The following NUAK1 variants were observed in gnomAD, a reference collection of about 807,000 sequenced individuals.
NUAK1 encodes NUAK family kinase 1.
A neutral mutation model predicts 56.9 loss-of-function variants in NUAK1; 26 were observed. That is an observed-to-expected ratio of 0.46 (90% CI 0.33 to 0.63). The LOEUF (loss-of-function observed/expected upper bound fraction) is 0.63. Ranked by LOEUF, NUAK1 falls within the 30% of genes least tolerant of loss-of-function variation. The pLI is 0.02. For synonymous variants in NUAK1, 337 were observed against 336.0 expected, an observed-to-expected ratio of 1.00 and a Z score of -0.03; for missense variants, 727 against 876.1, an observed-to-expected ratio of 0.83 and a Z score of 2.15.
intron 4 of NUAK1, among the ~76,000 whole-genome samples, chr12:106,075,494 T>C (rs143414323): frequency 1.3e-5 from 2 of 152,032 alleles, no homozygotes; most frequent in Non-Finnish European, 2.9e-5. Context: ...TTAGGAAGAG[T>C]GTCTATCCCT....
At position 106,066,731 on chromosome 12, in the gene NUAK1, C is replaced by T; in HGVS notation, c.*71G>A. Reference sequence around the variant, plus strand: ...TTGTCACAGCCAGCAAAGAGGTAACCAGCCTGTGAGCCCAAGTCTTGCTCC... The same window carrying T: ...TTGTCACAGCCAGCAAAGAGGTAACTAGCCTGTGAGCCCAAGTCTTGCTCC... On this transcript the variant is annotated 3_prime_UTR_variant, in exon 7 of 7. Coordinates refer to ENST00000261402, the MANE Select transcript of NUAK1 (RefSeq NM_014840.3). The T allele has an allele frequency of 1.6e-6, 2 of 1,262,536 alleles. No homozygotes were observed. The highest frequency in any genetic ancestry group is 1.4e-5 in the South Asian group (1 of 73,196). 78.2% of individuals were successfully genotyped at this position (1,262,536 alleles called of 1,614,324 possible). A position where few individuals can be genotyped will look rare whatever the true frequency, so the allele number is the denominator to read the frequency against.
intron 5 of NUAK1, 107 bp from the exon 6 acceptor site, chr12:106,071,013 G>A (rs1289220620): frequency 8.3e-7 from 1 of 1,197,700 alleles, no homozygotes; most frequent in Non-Finnish European, 1.2e-6. Flanking sequence ...AGCAGCCCCA[G>A]GAACTGAATT....
chr12:106,131,186 A>T (rs1280364772), intron 1 of NUAK1, among the ~76,000 whole-genome samples: 15 of 152,000 alleles, frequency 9.9e-5, no homozygotes, highest in Non-Finnish European at 2.2e-4. Flanking sequence ...AGTTATTACC[A>T]GCTTTATTGA....
At chr12:106,080,221 C>T (rs1186860760) in intron 4 of NUAK1, among the ~76,000 whole-genome samples, 2 of 152,216 alleles carry the variant, frequency 1.3e-5, no homozygotes, top group African/African-American at 4.8e-5. Flanking sequence ...ACAGCAGCCG[C>T]GCTTCCATTG....
At chr12:106,117,628 T>C (rs978989724) in intron 1 of NUAK1, among the ~76,000 whole-genome samples, 7 of 152,222 alleles carry the variant, frequency 4.6e-5, no homozygotes, top group African/African-American at 1.7e-4. Flanking sequence ...AAAAATACAA[T>C]ATCAAATTAT....
chr12:106,069,978 C>T (rs769868260), intron 6 of NUAK1, among the ~76,000 whole-genome samples: 1 of 152,116 alleles, frequency 6.6e-6, no homozygotes, highest in Non-Finnish European at 1.5e-5. Flanking sequence ...GCAGATGTGA[C>T]ACAATCTGGG....
rs967190841 is a variant in NUAK1 at position 106,088,810 on chromosome 12, C to T, written c.362-1925G>A. ...CACATTCAATGAAGAACTGAGTTGA[C>T]CTGGAACCTACCCTAGGCCTGGGTC... On this transcript the variant is annotated intron_variant, in intron 2 of 6. Transcript: ENST00000261402. 5.9e-5 allele frequency among the ~76,000 whole-genome samples: 9 copies of T among 152,286 alleles called. No individual in the cohort carries two copies. The East Asian group carries it at 1.7e-3, about 29-fold the overall frequency.
At chr12:106,124,642 ACGT>A (rs1340919049) in intron 1 of NUAK1, among the ~76,000 whole-genome samples, 1 of 152,188 alleles carries the variant, frequency 6.6e-6, no homozygotes, top group African/African-American at 2.4e-5. Context: ...GGGAGCAGAA[ACGT>A]CATCTGTCTC....
chr12:106,129,585 G>A (rs1332973700), intron 1 of NUAK1, among the ~76,000 whole-genome samples: 1 of 152,228 alleles, frequency 6.6e-6, no homozygotes, highest in Non-Finnish European at 1.5e-5. Flanking sequence ...CATGAGCCTT[G>A]AAGGACATGG....
Position 106,086,791 on chromosome 12 carries a change from C to G in NUAK1, c.456G>C (p.Glu152Asp), listed in dbSNP as rs1320753304. The change falls in exon 3 of 7, where the codon GAG (glutamate) becomes GAC (aspartate). Residue 152 changes from glutamate (E) to aspartate (D), a missense_variant. Coordinates refer to ENST00000261402, the MANE Select transcript of NUAK1 (RefSeq NM_014840.3). ...GCCGGAAGAAGTGCCGGGTCTCCCT[C>G]TCACTGAGGCGTCGCCGCTCACTGA... ...DYISERRRLS[E>D]RETRHFFRQI... The G allele has an allele frequency of 6.2e-7, 1 of 1,614,056 alleles. No individual in the cohort carries two copies. The highest frequency in any genetic ancestry group is 1.3e-5 in the African/African-American group (1 of 74,928).
intron 2 of NUAK1, among the ~76,000 whole-genome samples, chr12:106,097,543 G>A (rs533318660): frequency 6.6e-6 from 1 of 152,322 alleles, no homozygotes; most frequent in South Asian, 2.1e-4. Context: ...ATCAGGACCT[G>A]CTTGCAAATC....
intron 4 of NUAK1, 73 bp downstream of exon 4, chr12:106,083,791 T>C (rs927112091): frequency 2.8e-5 from 38 of 1,336,500 alleles, no homozygotes; most frequent in Non-Finnish European, 4.1e-5. Flanking sequence ...GGCTGCGGCT[T>C]GGAGCAGGTT....
At chr12:106,099,333 A>G (rs974669186) in intron 2 of NUAK1, among the ~76,000 whole-genome samples, 1 of 152,192 alleles carries the variant, frequency 6.6e-6, no homozygotes, top group African/African-American at 2.4e-5. Context: ...TGCAGTTTAG[A>G]AAACACTTGA....
intron 2 of NUAK1, among the ~76,000 whole-genome samples, chr12:106,089,025 T>A (rs2032606078): frequency 6.6e-6 from 1 of 152,262 alleles, no homozygotes; most frequent in Non-Finnish European, 1.5e-5. Context: ...CGGTGTACCC[T>A]GCAGCTTTGG....
chr12:106,133,389 C>G (rs1035160432), intron 1 of NUAK1, among the ~76,000 whole-genome samples: 2 of 152,178 alleles, frequency 1.3e-5, no homozygotes, highest in African/African-American at 4.8e-5. Flanking sequence ...CATGGCTGCT[C>G]TTCTGGCACC....
chr12:106,069,951 T>C (rs2032387733), intron 6 of NUAK1, among the ~76,000 whole-genome samples: 1 of 152,178 alleles, frequency 6.6e-6, no homozygotes, highest in Admixed American at 6.5e-5. Flanking sequence ...CGTGGTTGTC[T>C]TGACCAATAG....
At chr12:106,131,736 G>A (rs1275910938) in intron 1 of NUAK1, among the ~76,000 whole-genome samples, 2 of 152,162 alleles carry the variant, frequency 1.3e-5, no homozygotes, top group Non-Finnish European at 2.9e-5. Flanking sequence ...TTTCTCCTGG[G>A]TAAACCTAGA....
chr12:106,078,142 G>A (rs1275080925), intron 4 of NUAK1, among the ~76,000 whole-genome samples: 1 of 152,242 alleles, frequency 6.6e-6, no homozygotes, highest in Non-Finnish European at 1.5e-5. Flanking sequence ...AAGGCAGGGG[G>A]ACTGCTTGAG....
chr12:106,067,862 C>A lies in NUAK1; in HGVS notation c.926G>T (p.Gly309Val). 6.2e-7 allele frequency: 1 copy of A among 1,614,194 alleles called. No individual in the cohort carries two copies. Residue 309 changes from glycine (G) to valine (V), a missense_variant, in exon 7 of 7, where the codon GGC (glycine) becomes GTC (valine). Coordinates refer to ENST00000261402, the MANE Select transcript of NUAK1 (RefSeq NM_014840.3). The surrounding 1 kb of genome is among the most constrained non-coding windows in gnomAD (Gnocchi z 6.0). The part of the protein sequence containing the change: ...DIANHWWVNW[G>V]YKSSVCDCDA... ...ACAGTCACACACGCTGCTCTTATAGCCCCAGTTCACCCACCAGTGGTTGGC... is the reference window on the plus strand; with the variant it reads ...ACAGTCACACACGCTGCTCTTATAGACCCAGTTCACCCACCAGTGGTTGGC...
Sources: allele counts gnomAD v4.1 joint callset (sites outside exome capture counted in the v4.1 genomes callset), GRCh38; gene constraint gnomAD v4.1.1; non-coding constraint Gnocchi (gnomAD v3.1); transcripts MANE v1.5; gene names NCBI Gene and HGNC (gene_info 2026-07-23, HGNC 2026-07-21).